The following ZNF385D variants were observed in gnomAD, a reference collection of about 807,000 sequenced individuals.
ZNF385D encodes the protein zinc finger protein 385D.
ZNF385D carries 15 observed loss-of-function variants against 35.8 expected under a neutral mutation model. That is an observed-to-expected ratio of 0.42 (90% CI 0.28 to 0.64). ZNF385D has a LOEUF of 0.64. Among genes scored for constraint, ZNF385D ranks in the 30% least tolerant of loss-of-function variants. The pLI, the probability that ZNF385D is intolerant of heterozygous loss-of-function variation, is 0.23. For synonymous variants in ZNF385D, 212 were observed against 186.8 expected, an observed-to-expected ratio of 1.13 and a Z score of -1.10; for missense variants, 474 against 494.6, an observed-to-expected ratio of 0.96 and a Z score of 0.39.
intron 3 of ZNF385D, among the ~76,000 whole-genome samples, chr3:21,895,345 T>TTTA (rs869185529): frequency 2.1e-5 from 3 of 143,272 alleles, no homozygotes; most frequent in South Asian, 2.3e-4. Flanking sequence ...TTTTTTTTTT[T>TTTA]AAGACAGAGT....
intron 3 of ZNF385D, among the ~76,000 whole-genome samples, chr3:21,883,692 A>T (rs1698394918): frequency 6.6e-6 from 1 of 152,078 alleles, no homozygotes; most frequent in South Asian, 2.1e-4. Flanking sequence ...AATAAGGCAT[A>T]TTCACTACAG....
chr3:21,772,551 A>G (rs1187032451), intron 3 of ZNF385D, among the ~76,000 whole-genome samples: 2 of 151,958 alleles, frequency 1.3e-5, no homozygotes, highest in Non-Finnish European at 2.9e-5. Flanking sequence ...GTGGGAAAAA[A>G]GAAAATAACG....
chr3:22,228,197 G>C (rs1179994438), intron 2 of ZNF385D, among the ~76,000 whole-genome samples: 1 of 152,202 alleles, frequency 6.6e-6, no homozygotes, highest in African/African-American at 2.4e-5. Context: ...AAAACAGTCT[G>C]TGAGAGCTAC....
intron 2 of ZNF385D, among the ~76,000 whole-genome samples, chr3:21,601,938 G>C (rs9846163): frequency 0.11 from 16,813 of 152,186 alleles, 1,341 homozygotes; most frequent in East Asian, 0.22. Context: ...TGTTCAGAGA[G>C]AATAAAGCAC....
At chr3:22,136,278 C>G (rs1206251417) in intron 3 of ZNF385D, among the ~76,000 whole-genome samples, 17 of 152,114 alleles carry the variant, frequency 1.1e-4, no homozygotes, top group Non-Finnish European at 2.9e-5. Context: ...GTCCCAGCTA[C>G]TCGGGAGGCT....
intron 3 of ZNF385D, among the ~76,000 whole-genome samples, chr3:21,809,667 CAT>C: frequency 6.7e-6 from 1 of 149,028 alleles, no homozygotes; most frequent in Non-Finnish European, 1.5e-5. Flanking sequence ...CATATATACA[CAT>C]ATATACACAC....
At chr3:21,852,909 C>A (rs754070598) in intron 3 of ZNF385D, among the ~76,000 whole-genome samples, 29 of 151,754 alleles carry the variant, frequency 1.9e-4, no homozygotes, top group Non-Finnish European at 3.5e-4. Flanking sequence ...ACAGAATAAT[C>A]CCGTGAGGAA....
intron 3 of ZNF385D, among the ~76,000 whole-genome samples, chr3:21,814,204 A>G (rs9840768): frequency 0.37 from 56,542 of 152,066 alleles, 11,971 homozygotes; most frequent in Non-Finnish European, 0.49. Flanking sequence ...AGGAAGCACT[A>G]AACATGGAAA....
At chr3:22,137,249 G>A (rs1184441952) in intron 3 of ZNF385D, among the ~76,000 whole-genome samples, 2 of 152,142 alleles carry the variant, frequency 1.3e-5, no homozygotes, top group African/African-American at 4.8e-5. Context: ...GGTACAAGGA[G>A]GAGCTGGTAC....
chr3:22,359,132 T>C (rs1234815851), intron 2 of ZNF385D, among the ~76,000 whole-genome samples: 3 of 150,756 alleles, frequency 2.0e-5, no homozygotes, highest in Non-Finnish European at 3.0e-5. Flanking sequence ...CGGTTGATTA[T>C]TTTAACTTAA....
At chr3:22,348,214 C>T (rs751938152) in intron 2 of ZNF385D, among the ~76,000 whole-genome samples, 1 of 151,762 alleles carries the variant, frequency 6.6e-6, no homozygotes, top group African/African-American at 2.4e-5. Flanking sequence ...ACTTATGCAC[C>T]CCTCCAAAAA....
At chr3:22,127,938 C>T (rs1268845201) in intron 3 of ZNF385D, among the ~76,000 whole-genome samples, 2 of 152,130 alleles carry the variant, frequency 1.3e-5, no homozygotes, top group African/African-American at 2.4e-5. Context: ...CATACCAGAA[C>T]TGCAGTGTAT....
At chr3:21,801,038 ATTTTG>A (rs1350395033) in intron 3 of ZNF385D, among the ~76,000 whole-genome samples, 9 of 151,968 alleles carry the variant, frequency 5.9e-5, no homozygotes, top group Non-Finnish European at 1.0e-4. Flanking sequence ...CTTAATTTGA[ATTTTG>A]TTTTGTCAAG....
rs62248368 is a variant in ZNF385D, at chr3:21,973,917, T to C, written c.325+194900A>G. Among the ~76,000 whole-genome samples, 466 of 152,086 alleles carry C rather than the reference T, an allele frequency of 3.1e-3. 1 individual carries two copies. The highest frequency in any genetic ancestry group is 5.2e-3 in the Non-Finnish European group (350 of 67,896). ...ACTATAAAATATTGATGTAAGAAAT[T>C]GAAGAGGTCAAAAAAATGAAAAGGT... On this transcript the variant is annotated intron_variant, in intron 3 of 5. Coordinates refer to the ZNF385D transcript ENST00000494108.
At chr3:21,426,523 C>CTT (rs112254979) in intron 5 of ZNF385D, among the ~76,000 whole-genome samples, 11 of 150,976 alleles carry the variant, frequency 7.3e-5, no homozygotes, top group African/African-American at 2.7e-4. Context: ...CACAAAATTT[C>CTT]TTTTTTTTTA....
At chr3:21,952,521 T>A (rs1020012499) in intron 3 of ZNF385D, among the ~76,000 whole-genome samples, 4 of 151,978 alleles carry the variant, frequency 2.6e-5, no homozygotes, top group Admixed American at 6.6e-5. Context: ...TGGGTTTAAG[T>A]CCTGATGTCA....
At chr3:22,205,497 G>A (rs1697088214) in intron 2 of ZNF385D, among the ~76,000 whole-genome samples, 1 of 151,836 alleles carries the variant, frequency 6.6e-6, no homozygotes, top group Non-Finnish European at 1.5e-5. Context: ...CTGCAATTGT[G>A]GCATGTAAAC....
chr3:21,995,684 C>T (rs576181912), intron 3 of ZNF385D, among the ~76,000 whole-genome samples: 11 of 151,744 alleles, frequency 7.2e-5, no homozygotes, highest in Non-Finnish European at 1.2e-4. Context: ...CAAGCAGTGG[C>T]GGTTACAGTG....
rs1036285701 is a variant in ZNF385D at position 21,419,473 on chromosome 3, G to T, written c.*1741C>A. 1.3e-5 allele frequency: 2 copies of T among 152,048 alleles called. No homozygotes were observed. Among genetic ancestry groups the T allele is most frequent in the African/African-American group, 4.8e-5 (2 of 41,412 alleles). The allele number at this position is 152,048 out of a possible 1,614,324, so 9.4% of individuals were successfully genotyped here. A position where few individuals can be genotyped will look rare whatever the true frequency, so the allele number is the denominator to read the frequency against. ...CTTGATTCTTTATACCTCTCCAAGG[G>T]TTACAACACTTTGAGAGCAGTTTCA... On this transcript the variant is annotated 3_prime_UTR_variant, in exon 8 of 8. Coordinates refer to ENST00000281523, the MANE Select transcript of ZNF385D (RefSeq NM_024697.3).
Sources: gnomAD v4.1 joint callset for allele counts (sites outside exome capture counted in the v4.1 genomes callset) on GRCh38, gnomAD v4.1.1 for gene constraint, MANE v1.5 for transcripts, NCBI Gene and HGNC (gene_info 2026-07-23, HGNC 2026-07-21) for gene names.